SLC25A20: variants seen among roughly 807,000 people sequenced by gnomAD.
The protein encoded by SLC25A20 is mitochondrial carnitine/acylcarnitine carrier protein.
A neutral mutation model predicts 39.7 loss-of-function variants in SLC25A20; 29 were observed. The ratio of observed to expected loss-of-function variants is 0.73; its 90% confidence interval spans 0.54 to 1.00. The LOEUF is 1.00. Ranked by LOEUF, SLC25A20 falls within the 50% of genes least tolerant of loss-of-function variation. The probability of loss-of-function intolerance (pLI) is 0.00; values close to 1 mark genes in which losing one functional copy is unlikely to be tolerated. For missense variants in SLC25A20, 333 were observed against 379.9 expected (o/e 0.88, Z 1.03); for synonymous variants, 103 against 142.2 (o/e 0.72, Z 1.96).
intron 1 of SLC25A20, among the ~76,000 whole-genome samples, chr3:48,895,195 A>C (rs1391696992): frequency 6.6e-6 from 1 of 152,174 alleles, no homozygotes; most frequent in Non-Finnish European, 1.5e-5. Context: ...TTTAGTAGAG[A>C]TGGGATTTCT....
In SLC25A20 at chr3:48,898,689, C is replaced by A. The variant is rs970037429; in HGVS notation, c.105+1G>T. On this transcript the variant is annotated splice_donor_variant, in intron 1 of 8. Transcript: ENST00000319017. LOFTEE classifies it high-confidence loss of function. ...AAAGCCTGCGACCCAGCCTCCCGCACCTTGACCGTGTCCAGAGGGTGACCG... is the reference window on the plus strand; with the variant it reads ...AAAGCCTGCGACCCAGCCTCCCGCAACTTGACCGTGTCCAGAGGGTGACCG... 5 of 1,600,792 alleles carry A rather than the reference C, an allele frequency of 3.1e-6. No homozygotes were observed. Among genetic ancestry groups the A allele is most frequent in the Non-Finnish European group, 3.4e-6 (4 of 1,174,498 alleles).
intron 2 of SLC25A20, among the ~76,000 whole-genome samples, chr3:48,884,539 A>G (rs2083817457): frequency 6.6e-6 from 1 of 151,852 alleles, no homozygotes; most frequent in Non-Finnish European, 1.5e-5. Context: ...TTGTAGAGAC[A>G]GGGTTTTGCC....
At chr3:48,867,257 T>C (rs1247720205) in intron 4 of SLC25A20, among the ~76,000 whole-genome samples, 6 of 151,730 alleles carry the variant, frequency 4.0e-5, no homozygotes, top group Non-Finnish European at 5.9e-5. Flanking sequence ...TTTTGTTTTC[T>C]TTTTTGAGAT....
At chr3:48,857,968 CTTT>C (rs755739220) in intron 8 of SLC25A20, among the ~76,000 whole-genome samples, 196 bp from the exon 9 acceptor site, 8 of 138,210 alleles carry the variant, frequency 5.8e-5, no homozygotes, top group Non-Finnish European at 6.3e-5. Context: ...CTGCCCACTT[CTTT>C]TTTTTTTTTT....
chr3:48,866,562 A>C (rs894745876), intron 4 of SLC25A20, among the ~76,000 whole-genome samples: 36 of 152,280 alleles, frequency 2.4e-4, no homozygotes, highest in Non-Finnish European at 1.5e-5. Flanking sequence ...TCAAAAAAAA[A>C]ACAAAAAACA....
At chr3:48,863,010 G>A (rs768218889) in intron 4 of SLC25A20, among the ~76,000 whole-genome samples, 12 of 152,096 alleles carry the variant, frequency 7.9e-5, no homozygotes, top group Non-Finnish European at 1.3e-4. Context: ...TGGTCAACAC[G>A]GTGAAACCCT....
chr3:48,897,842 G>A (rs1182058747), intron 1 of SLC25A20, among the ~76,000 whole-genome samples: 1 of 152,124 alleles, frequency 6.6e-6, no homozygotes, highest in Non-Finnish European at 1.5e-5. Flanking sequence ...TTTCCTTCAC[G>A]TCTACGTCTA....
chr3:48,896,483 T>TTTTTGTTTTGTTTTG (rs144499213), intron 1 of SLC25A20, among the ~76,000 whole-genome samples: 14 of 147,000 alleles, frequency 9.5e-5, no homozygotes, highest in African/African-American at 3.3e-4. Flanking sequence ...TTGCAGGTGG[T>TTTTTGTTTTGTTTTG]TTTTGTTTTG....
chr3:48,895,910 C>T lies in SLC25A20; in HGVS notation c.105+2780G>A, dbSNP rs560001919. On this transcript the variant is annotated intron_variant, in intron 1 of 8. Transcript: ENST00000319017. ...ATCCCAGCACTTCAGGAGGCCAAGG[C>T]CGGAGGATCACTTGAGGCCACGAGT... 6 of 395,066 alleles carry T rather than the reference C, an allele frequency of 1.5e-5. No individual in the cohort carries two copies. The East Asian group carries it at 5.0e-4, about 33-fold the overall frequency. 24.5% of individuals were successfully genotyped at this position (395,066 alleles called of 1,614,324 possible).
chr3:48,892,136 C>T lies in SLC25A20; in HGVS notation c.106-64G>A, dbSNP rs1017666225. 3.1e-6 allele frequency: 4 copies of T among 1,269,846 alleles called. No individual in the cohort carries two copies. In the African/African-American group the frequency reaches 5.9e-5, roughly 19 times the overall value. The allele number at this position is 1,269,846 out of a possible 1,614,324, so 78.7% of individuals were successfully genotyped here. A position where few individuals can be genotyped will look rare whatever the true frequency, so the allele number is the denominator to read the frequency against. ...CAGAACTGCCTGTCAGCAGCAATGG[C>T]CCAACTGTCTGCCAAACTGAACAGG... On this transcript the variant is annotated intron_variant, in intron 1 of 8. Coordinates refer to ENST00000319017, the MANE Select transcript of SLC25A20 (RefSeq NM_000387.6).
chr3:48,889,512 T>C (rs1186422452), intron 2 of SLC25A20, among the ~76,000 whole-genome samples: 2 of 152,152 alleles, frequency 1.3e-5, no homozygotes, highest in African/African-American at 4.8e-5. Context: ...CTTCAGACTT[T>C]ATTCATATGC....
intron 2 of SLC25A20, among the ~76,000 whole-genome samples, chr3:48,890,007 G>A (rs914748412): frequency 1.3e-5 from 2 of 152,150 alleles, no homozygotes; most frequent in Admixed American, 1.3e-4. Context: ...GAAGGCACCC[G>A]TTACTTAGCA....
chr3:48,858,044 T>G (rs1027942400), intron 8 of SLC25A20, among the ~76,000 whole-genome samples: 9 of 151,038 alleles, frequency 6.0e-5, no homozygotes, highest in African/African-American at 2.2e-4. Context: ...CTCGGCTCAC[T>G]GCAATCTCTG....
Position 48,857,684 on chromosome 3 carries a change from G to T in SLC25A20, c.*26C>A. On this transcript the variant is annotated 3_prime_UTR_variant, in exon 9 of 9. Transcript: ENST00000319017. Reference sequence around the variant, plus strand: ...CCTCAACGACAGCTTCCAGCATCCAGAAGTGAACTTGAGCAGCCTTCAGCC... The same window carrying T: ...CCTCAACGACAGCTTCCAGCATCCATAAGTGAACTTGAGCAGCCTTCAGCC... The T allele has an allele frequency of 6.2e-7, 1 of 1,610,920 alleles. No homozygotes were observed.
At chr3:48,892,290 T>C (rs948326291) in intron 1 of SLC25A20, among the ~76,000 whole-genome samples, 5 of 152,236 alleles carry the variant, frequency 3.3e-5, no homozygotes, top group Non-Finnish European at 7.3e-5. Flanking sequence ...TAAATCACAT[T>C]TTGTATGCCT....
intron 4 of SLC25A20, among the ~76,000 whole-genome samples, chr3:48,865,848 C>T (rs1036588248): frequency 6.6e-6 from 1 of 151,364 alleles, no homozygotes; most frequent in Non-Finnish European, 1.5e-5. Context: ...CACTAGTGAC[C>T]AGCTGGGCAT....
At chr3:48,861,896 C>A (rs1330257719) in intron 5 of SLC25A20, among the ~76,000 whole-genome samples, 1 of 152,050 alleles carries the variant, frequency 6.6e-6, no homozygotes, top group Non-Finnish European at 1.5e-5. Context: ...GACATGGTGG[C>A]ATGTGCTTGT....
intron 2 of SLC25A20, among the ~76,000 whole-genome samples, chr3:48,887,174 C>A (rs974240299): frequency 6.6e-6 from 1 of 152,162 alleles, no homozygotes; most frequent in African/African-American, 2.4e-5. Context: ...CCTACATGAG[C>A]TAAAAGGATG....
chr3:48,869,676 G>A (rs1227329155), intron 4 of SLC25A20, among the ~76,000 whole-genome samples: 2 of 152,006 alleles, frequency 1.3e-5, no homozygotes, highest in Non-Finnish European at 1.5e-5. Context: ...AGTTAGCCAG[G>A]CCGGGTGACA....
Sources: gnomAD v4.1 joint callset for allele counts (sites outside exome capture counted in the v4.1 genomes callset) on GRCh38, gnomAD v4.1.1 for gene constraint, MANE v1.5 for transcripts, NCBI Gene and HGNC (gene_info 2026-07-23, HGNC 2026-07-21) for gene names.